The following FHIT variants were observed in gnomAD, a reference collection of about 807,000 sequenced individuals.
The protein encoded by FHIT is bis(5'-adenosyl)-triphosphatase.
Under a neutral mutation model 17.9 loss-of-function variants are expected in FHIT, and 19 were observed. That is an observed-to-expected ratio of 1.06 (90% CI 0.74 to 1.56). The LOEUF (loss-of-function observed/expected upper bound fraction) is 1.56, where lower values mean the gene tolerates loss of function less well. Among genes scored for constraint, FHIT ranks in the 40% most tolerant of loss-of-function variants. The pLI is 0.00. For missense variants in FHIT, 248 were observed against 189.2 expected (o/e 1.31, Z -1.82); for synonymous variants, 81 against 69.7 (o/e 1.16, Z -0.81).
At chr3:60,222,300 C>G (rs554346024) in intron 5 of FHIT, among the ~76,000 whole-genome samples, 66 of 152,258 alleles carry the variant, frequency 4.3e-4, no homozygotes, top group African/African-American at 1.5e-3. Context: ...TATAAGCTCT[C>G]GAGAAGAAAT....
rs1559606801 is a variant in FHIT at position 59,788,883 on chromosome 3, T to TTTTTTTTTGTTTTGTTTTG, written c.349-36563_349-36562insCAAAACAAAACAAAAAAAA. Among the ~76,000 whole-genome samples the TTTTTTTTTGTTTTGTTTTG allele has an allele frequency of 1.2e-4, 14 of 119,050 alleles. 1 individual carries two copies. Among genetic ancestry groups the TTTTTTTTTGTTTTGTTTTG allele is most frequent in the African/African-American group, 4.7e-4 (14 of 29,646 alleles). 78.1% of individuals were successfully genotyped at this position (119,050 alleles called of 152,430 possible). ...CACGTTCTTTGCTGAGTTCATATGT[T>TTTTTTTTTGTTTTGTTTTG]TTTTTTTTTTACCCCATCTCCAAAC... On this transcript the variant is annotated intron_variant, in intron 8 of 9. Coordinates refer to ENST00000492590, the MANE Select transcript of FHIT (RefSeq NM_002012.4).
chr3:61,008,454 GAAC>G (rs1465910029), intron 3 of FHIT, among the ~76,000 whole-genome samples: 2 of 151,928 alleles, frequency 1.3e-5, no homozygotes, highest in African/African-American at 4.8e-5. Context: ...TGCATTGGGA[GAAC>G]AAAAGGAGTC....
chr3:60,174,533 T>C (rs1701578644), intron 5 of FHIT, among the ~76,000 whole-genome samples: 1 of 152,130 alleles, frequency 6.6e-6, no homozygotes, highest in African/African-American at 2.4e-5. Flanking sequence ...ATACTAGTGT[T>C]ACAAAACAGA....
At chr3:60,450,660 G>C (rs916704365) in intron 5 of FHIT, among the ~76,000 whole-genome samples, 1 of 152,158 alleles carries the variant, frequency 6.6e-6, no homozygotes, top group Non-Finnish European at 1.5e-5. Flanking sequence ...AGTAATGCCA[G>C]CACTGGGTTA....
intron 1 of FHIT, among the ~76,000 whole-genome samples, chr3:61,213,552 G>T (rs1351753586): frequency 1.2e-4 from 18 of 152,144 alleles, no homozygotes; most frequent in South Asian, 6.2e-4. Flanking sequence ...CACACAATAA[G>T]AATGGGAGAC....
chr3:60,447,455 T>C (rs1264077440), intron 5 of FHIT, among the ~76,000 whole-genome samples: 2 of 152,208 alleles, frequency 1.3e-5, no homozygotes, highest in Non-Finnish European at 2.9e-5. Flanking sequence ...ACATATTCTA[T>C]TCCAAACAAC....
chr3:61,127,116 C>A (rs1181495014), intron 2 of FHIT, among the ~76,000 whole-genome samples: 2 of 152,140 alleles, frequency 1.3e-5, no homozygotes, highest in African/African-American at 4.8e-5. Flanking sequence ...GGATCTCTCC[C>A]CAACTTACGC....
At chr3:60,561,100 G>A (rs2036929130) in intron 4 of FHIT, among the ~76,000 whole-genome samples, 1 of 151,872 alleles carries the variant, frequency 6.6e-6, no homozygotes. Flanking sequence ...TAGTATTTAA[G>A]ATTTTTTTAA....
chr3:60,200,527 T>C (rs1454254231), intron 5 of FHIT, among the ~76,000 whole-genome samples: 3 of 152,114 alleles, frequency 2.0e-5, no homozygotes, highest in African/African-American at 7.2e-5. Flanking sequence ...AAAAATTAAT[T>C]AAATCATTAA....
At chr3:60,080,379 T>A (rs1252032920) in intron 5 of FHIT, among the ~76,000 whole-genome samples, 1 of 151,880 alleles carries the variant, frequency 6.6e-6, no homozygotes, top group South Asian at 2.1e-4. Context: ...AAATCAGGAG[T>A]CTAGCCATCA....
At chr3:59,857,143 G>C (rs751799193) in intron 8 of FHIT, among the ~76,000 whole-genome samples, 2 of 152,204 alleles carry the variant, frequency 1.3e-5, no homozygotes, top group Non-Finnish European at 2.9e-5. Context: ...ACAAGGCATG[G>C]AATGTGTTCA....
At chr3:60,619,394 A>G (rs998708790) in intron 4 of FHIT, among the ~76,000 whole-genome samples, 3 of 151,954 alleles carry the variant, frequency 2.0e-5, no homozygotes, top group Non-Finnish European at 4.4e-5. Context: ...TGGAAAAGCA[A>G]AAGATTCAGA....
intron 3 of FHIT, among the ~76,000 whole-genome samples, chr3:60,898,376 AAT>A (rs1209358169): frequency 6.6e-6 from 1 of 152,186 alleles, no homozygotes; most frequent in Non-Finnish European, 1.5e-5. Flanking sequence ...TAAATACCTA[AAT>A]GTGGAATTGC....
intron 5 of FHIT, among the ~76,000 whole-genome samples, chr3:60,350,958 C>A (rs1233192482): frequency 2.0e-5 from 3 of 152,162 alleles, no homozygotes; most frequent in Non-Finnish European, 4.4e-5. Flanking sequence ...AATCCTACAG[C>A]CACAAAGAAA....
Position 59,854,315 on chromosome 3 carries a change from C to T in FHIT, c.348+68031G>A, listed in dbSNP as rs545699561. 4.6e-5 allele frequency among the ~76,000 whole-genome samples: 7 copies of T among 152,282 alleles called. No homozygotes were observed. In the East Asian group the frequency reaches 5.8e-4, roughly 13 times the overall value. Reference sequence around the variant, plus strand: ...AACCCACAGATTTATATCTGCCACACGTGTCACTGAACACAAATACGTCTG... The same window carrying T: ...AACCCACAGATTTATATCTGCCACATGTGTCACTGAACACAAATACGTCTG... On this transcript the variant is annotated intron_variant, in intron 8 of 9. Coordinates refer to ENST00000492590, the MANE Select transcript of FHIT (RefSeq NM_002012.4).
At chr3:59,845,482 C>T (rs1464694879) in intron 8 of FHIT, among the ~76,000 whole-genome samples, 2 of 151,868 alleles carry the variant, frequency 1.3e-5, no homozygotes, top group African/African-American at 4.8e-5. Flanking sequence ...TTTTTGTTTT[C>T]ATTTGTCTTT....
intron 4 of FHIT, among the ~76,000 whole-genome samples, chr3:60,791,766 T>C (rs1700784237): frequency 6.6e-6 from 1 of 152,212 alleles, no homozygotes; most frequent in Non-Finnish European, 1.5e-5. Context: ...AGGGCCAGTA[T>C]GAATGAGAAC....
At chr3:60,923,197 A>G (rs1294695058) in intron 3 of FHIT, among the ~76,000 whole-genome samples, 1 of 152,186 alleles carries the variant, frequency 6.6e-6, no homozygotes, top group Non-Finnish European at 1.5e-5. Context: ...TTTTTTACAA[A>G]ATTTCTCAAG....
At chr3:60,140,069 A>G (rs2107296289) in intron 5 of FHIT, among the ~76,000 whole-genome samples, 1 of 152,206 alleles carries the variant, frequency 6.6e-6, no homozygotes, top group East Asian at 1.9e-4. Context: ...TGCAGTGAGC[A>G]GAGATCGTAC....
Sources: gnomAD v4.1 joint callset for allele counts (sites outside exome capture counted in the v4.1 genomes callset) on GRCh38, gnomAD v4.1.1 for gene constraint, MANE v1.5 for transcripts, NCBI Gene and HGNC (gene_info 2026-07-23, HGNC 2026-07-21) for gene names.